RABGAP1L: variants seen among roughly 807,000 people sequenced by gnomAD.
The protein encoded by RABGAP1L is rab GTPase-activating protein 1-like.
RABGAP1L carries 63 observed loss-of-function variants against 137.7 expected under a neutral mutation model. The observed-to-expected ratio is 0.46, with a 90% CI of 0.37 to 0.56. RABGAP1L has a LOEUF of 0.56. RABGAP1L is among the 20% of genes least tolerant of loss of function. The pLI is 0.00. For missense variants in RABGAP1L, 1,095 were observed against 1,244.0 expected (o/e 0.88, Z 1.80); for synonymous variants, 431 against 433.7 (o/e 0.99, Z 0.08).
At chr1:174,948,542 C>T (rs1423832851) in intron 19 of RABGAP1L, among the ~76,000 whole-genome samples, 1 of 140,856 alleles carries the variant, frequency 7.1e-6, no homozygotes, top group Non-Finnish European at 1.5e-5. Flanking sequence ...AGGAGTGTAA[C>T]TGGATTCTTT....
At chr1:174,967,338 T>C (rs868719451) in intron 20 of RABGAP1L, among the ~76,000 whole-genome samples, 12 of 148,946 alleles carry the variant, frequency 8.1e-5, no homozygotes, top group African/African-American at 2.7e-4. Flanking sequence ...TAATTTTTTT[T>C]TTTTTTTTTT....
At chr1:174,398,476 C>T (rs1313891392) in intron 13 of RABGAP1L, among the ~76,000 whole-genome samples, 4 of 152,066 alleles carry the variant, frequency 2.6e-5, no homozygotes, top group African/African-American at 9.7e-5. Context: ...CATAAACTAT[C>T]AGATGTGGTT....
chr1:174,341,347 A>G (rs1440234308), intron 11 of RABGAP1L, among the ~76,000 whole-genome samples: 4 of 152,210 alleles, frequency 2.6e-5, no homozygotes, highest in Non-Finnish European at 2.9e-5. Flanking sequence ...TGCTTGAAAG[A>G]TGAAGATTAA....
At chr1:174,326,269 CA>C (rs1171119817) in intron 11 of RABGAP1L, among the ~76,000 whole-genome samples, 1 of 152,110 alleles carries the variant, frequency 6.6e-6, no homozygotes, top group Admixed American at 6.5e-5. Context: ...ACAAAGAATT[CA>C]AAATAGTTCT....
At chr1:174,962,822 G>A (rs989111312) in intron 20 of RABGAP1L, among the ~76,000 whole-genome samples, 1 of 152,176 alleles carries the variant, frequency 6.6e-6, no homozygotes, top group South Asian at 2.1e-4. Context: ...TTCTGGCTGG[G>A]TGTGGTGGCT....
At chr1:174,160,334 A>T (rs1664338971) in intron 1 of RABGAP1L, among the ~76,000 whole-genome samples, 1 of 152,044 alleles carries the variant, frequency 6.6e-6, no homozygotes, top group Non-Finnish European at 1.5e-5. Flanking sequence ...AGTTTCTGAG[A>T]CTGGGCTAGT....
intron 17 of RABGAP1L, among the ~76,000 whole-genome samples, chr1:174,733,823 T>G (rs768546672): frequency 3.3e-5 from 5 of 152,182 alleles, no homozygotes; most frequent in Non-Finnish European, 7.3e-5. Flanking sequence ...GGAGTCACTC[T>G]GGAGAATAGG....
intron 19 of RABGAP1L, among the ~76,000 whole-genome samples, chr1:174,847,637 C>G (rs1647267142): frequency 1.5e-5 from 2 of 133,566 alleles, no homozygotes; most frequent in African/African-American, 5.7e-5. Context: ...GTAACCCGAC[C>G]TTTCTCTCTG....
At chr1:174,546,464 A>G (rs1430770994) in intron 13 of RABGAP1L, among the ~76,000 whole-genome samples, 3 of 152,220 alleles carry the variant, frequency 2.0e-5, no homozygotes, top group African/African-American at 7.2e-5. Flanking sequence ...TTTTAGTATA[A>G]ACAAAGTTTA....
chr1:174,639,989 T>G (rs916119791), intron 14 of RABGAP1L, among the ~76,000 whole-genome samples: 2 of 152,204 alleles, frequency 1.3e-5, no homozygotes, highest in African/African-American at 4.8e-5. Flanking sequence ...TGAGATACTT[T>G]ATTATCGAAA....
chr1:174,798,570 G>T (rs1170861973), intron 18 of RABGAP1L, among the ~76,000 whole-genome samples: 2 of 151,992 alleles, frequency 1.3e-5, no homozygotes, highest in Non-Finnish European at 2.9e-5. Context: ...ATATTGTTAA[G>T]GGAGGCAGAA....
intron 19 of RABGAP1L, among the ~76,000 whole-genome samples, chr1:174,876,891 A>T (rs895998398): frequency 4.0e-5 from 6 of 150,042 alleles, no homozygotes; most frequent in African/African-American, 7.4e-5. Context: ...AGAGGGGAAA[A>T]TTTTTTTTTT....
chr1:174,208,048 C>T (rs1668620953), intron 1 of RABGAP1L, among the ~76,000 whole-genome samples: 2 of 152,118 alleles, frequency 1.3e-5, no homozygotes, highest in African/African-American at 4.8e-5. Context: ...GATTTAATTT[C>T]CTTCCTCAGT....
intron 19 of RABGAP1L, among the ~76,000 whole-genome samples, chr1:174,925,181 C>A (rs912256079): frequency 6.6e-6 from 1 of 151,514 alleles, no homozygotes; most frequent in African/African-American, 2.4e-5. Flanking sequence ...CTGGCTAACA[C>A]GGTGAAACCC....
chr1:174,641,258 C>T (rs1674512266), intron 14 of RABGAP1L, among the ~76,000 whole-genome samples: 1 of 151,972 alleles, frequency 6.6e-6, no homozygotes, highest in Admixed American at 6.6e-5. Context: ...ATGATTTGAA[C>T]TGTCACATTA....
intron 14 of RABGAP1L, among the ~76,000 whole-genome samples, chr1:174,672,281 CT>C (rs1256381168): frequency 0.036 from 4,307 of 118,248 alleles, 81 homozygotes; most frequent in Middle Eastern, 0.11. Context: ...TTTTTCCTTT[CT>C]TTTTTTTTTT....
chr1:174,744,709 A>G (rs1683734833), intron 17 of RABGAP1L, among the ~76,000 whole-genome samples: 1 of 152,232 alleles, frequency 6.6e-6, no homozygotes, highest in South Asian at 2.1e-4. Flanking sequence ...CTTCCAAAGC[A>G]TCAAGGTCAT....
chr1:174,686,760 G>T (rs1368849036), intron 15 of RABGAP1L, among the ~76,000 whole-genome samples: 3 of 147,290 alleles, frequency 2.0e-5, no homozygotes, highest in African/African-American at 7.4e-5. Context: ...GGGTTCAAGC[G>T]ATTCTCCTGC....
chr1:174,533,640 T>C (rs1158988847), intron 13 of RABGAP1L, among the ~76,000 whole-genome samples: 1 of 152,180 alleles, frequency 6.6e-6, no homozygotes, highest in Non-Finnish European at 1.5e-5. Context: ...TAGTATATAA[T>C]ACATATAACA....
Sources: gnomAD v4.1 joint callset for allele counts (sites outside exome capture counted in the v4.1 genomes callset) on GRCh38, gnomAD v4.1.1 for gene constraint, MANE v1.5 for transcripts, NCBI Gene and HGNC (gene_info 2026-07-23, HGNC 2026-07-21) for gene names.